PRKACB: variants seen among roughly 807,000 people sequenced by gnomAD.
PRKACB encodes the protein protein kinase cAMP-activated catalytic subunit beta, also known as cAMP-dependent protein kinase catalytic subunit beta.
Under a neutral mutation model 51.4 loss-of-function variants are expected in PRKACB, and 16 were observed. The observed-to-expected ratio is 0.31, with a 90% CI of 0.21 to 0.47. The LOEUF (loss-of-function observed/expected upper bound fraction) is 0.47. Among genes scored for constraint, PRKACB ranks in the 20% least tolerant of loss-of-function variants. The probability of loss-of-function intolerance (pLI) is 1.00; values close to 1 mark genes in which losing one functional copy is unlikely to be tolerated. For missense variants in PRKACB, 309 were observed against 464.5 expected (o/e 0.67, Z 3.08); for synonymous variants, 147 against 154.4 (o/e 0.95, Z 0.35).
intron 1 of PRKACB, among the ~76,000 whole-genome samples, chr1:84,111,409 T>C (rs1173360856): frequency 6.6e-6 from 1 of 152,114 alleles, no homozygotes; most frequent in South Asian, 2.1e-4. Context: ...AATATGGGGT[T>C]AGTTCAATGC....
intron 1 of PRKACB, among the ~76,000 whole-genome samples, chr1:84,135,021 T>A (rs1164351890): frequency 1.3e-5 from 2 of 152,194 alleles, no homozygotes; most frequent in Admixed American, 6.5e-5. Flanking sequence ...GCATTGTCTG[T>A]AAGAAACTCA....
In PRKACB at chr1:84,131,999, G is replaced by A. The variant is rs918315267; in HGVS notation, c.47-47178G>A. ...GTATTCTCCAACAAAGGTCTACTCT[G>A]TAGGGGAAAATATATTATTAGACCC... is the stretch of plus-strand genomic sequence containing the variant. On this transcript the variant is annotated intron_variant, in intron 1 of 8. Transcript: ENST00000370688. Among the ~76,000 whole-genome samples, 4 of 152,262 alleles carry A rather than the reference G, an allele frequency of 2.6e-5. 1 individual carries two copies. In the Middle Eastern group the frequency reaches 0.01, roughly 388 times the overall value.
chr1:84,198,268 A>G (rs887459687), intron 7 of PRKACB, among the ~76,000 whole-genome samples: 3 of 152,162 alleles, frequency 2.0e-5, no homozygotes, highest in Admixed American at 6.5e-5. Context: ...TAGGACTATT[A>G]ACAGCAATTG....
chr1:84,095,013 A>G (rs1648813325), intron 1 of PRKACB, among the ~76,000 whole-genome samples: 1 of 151,928 alleles, frequency 6.6e-6, no homozygotes, highest in African/African-American at 2.4e-5. Flanking sequence ...GCAGTATAGG[A>G]TTGTAGCCTA....
intron 5 of PRKACB, among the ~76,000 whole-genome samples, chr1:84,193,904 A>C (rs1234552800): frequency 6.6e-6 from 1 of 152,154 alleles, no homozygotes; most frequent in Non-Finnish European, 1.5e-5. Context: ...TGATTCATAA[A>C]ATGATGGTGG....
At position 84,202,688 on chromosome 1, in the gene PRKACB, C is replaced by T. The variant is rs138988477; in HGVS notation, c.789C>T (p.Tyr263=). The stretch of plus-strand genomic sequence containing the variant: ...TTGGTGTTGGTTTATCTCAGGGCTA[C>T]AATAAGGCAGTGGATTGGTGGGCAT... ...LAPEIILSKG[Y]NKAVDWWALG... is the part of the protein sequence containing the mutation. Residue 263 remains tyrosine (Y), a synonymous_variant, in exon 8 of 10, where the codon TAC becomes TAT. Coordinates refer to ENST00000370685, the MANE Select transcript of PRKACB (RefSeq NM_182948.4). The T allele has an allele frequency of 6.2e-7, 1 of 1,605,822 alleles. No individual in the cohort carries two copies. Among genetic ancestry groups the T allele is most frequent in the African/African-American group, 1.3e-5 (1 of 74,780 alleles).
chr1:84,124,112 T>A (rs1391761649), intron 1 of PRKACB, among the ~76,000 whole-genome samples: 4 of 152,176 alleles, frequency 2.6e-5, no homozygotes, highest in African/African-American at 9.6e-5. Flanking sequence ...TTTAAAAACA[T>A]TTATTGAGTG....
At chr1:84,097,517 T>G (rs1035323440) in intron 1 of PRKACB, among the ~76,000 whole-genome samples, 8 of 151,968 alleles carry the variant, frequency 5.3e-5, no homozygotes, top group Non-Finnish European at 8.8e-5. Flanking sequence ...GGGGTGTGTG[T>G]GGGGAGAAAG....
intron 2 of PRKACB, among the ~76,000 whole-genome samples, chr1:84,180,402 C>T (rs755929889): frequency 4.0e-5 from 6 of 150,698 alleles, no homozygotes; most frequent in Non-Finnish European, 8.9e-5. Flanking sequence ...ATATAATGGA[C>T]TTTTGGCACT....
intron 8 of PRKACB, among the ~76,000 whole-genome samples, chr1:84,212,072 G>A (rs574637207): frequency 6.6e-6 from 1 of 152,216 alleles, no homozygotes; most frequent in East Asian, 1.9e-4. Context: ...GTATGATAAT[G>A]ATTTCAATTT....
intron 1 of PRKACB, among the ~76,000 whole-genome samples, chr1:84,176,221 A>G (rs1310787354): frequency 6.6e-6 from 1 of 151,912 alleles, no homozygotes; most frequent in Non-Finnish European, 1.5e-5. Context: ...TATGCTTTAT[A>G]GGGAATTCTG....
intron 8 of PRKACB, among the ~76,000 whole-genome samples, chr1:84,208,016 T>C (rs1163367212): frequency 6.6e-6 from 1 of 152,172 alleles, no homozygotes; most frequent in Admixed American, 6.6e-5. Flanking sequence ...TACAGGCATG[T>C]GCCACCACGC....
intron 7 of PRKACB, among the ~76,000 whole-genome samples, chr1:84,199,450 G>A (rs999473374): frequency 5.3e-5 from 8 of 152,106 alleles, no homozygotes; most frequent in African/African-American, 1.7e-4. Context: ...ATAGCCTCCA[G>A]CTCCATCCAT....
intron 1 of PRKACB, chr1:84,164,647 T>C: frequency 2.2e-6 from 3 of 1,394,780 alleles, no homozygotes; most frequent in African/African-American, 2.9e-5. Context: ...CTCATGCTGA[T>C]ATAATTGAGA....
At position 84,125,982 on chromosome 1, in the gene PRKACB, C is replaced by T. The variant is rs148928162; in HGVS notation, c.46+47611C>T. ...TCGCAGCTCTCATCCCCTCACGGGA[C>T]GGGGAGCATGCAGGTGAGTGGGTAC... is the stretch of plus-strand genomic sequence containing the variant. On this transcript the variant is annotated intron_variant, in intron 1 of 8. Transcript: ENST00000370688. Among the ~76,000 whole-genome samples, 582 of 137,988 alleles carry T rather than the reference C, an allele frequency of 4.2e-3. 3 individuals carry two copies. Among genetic ancestry groups the T allele is most frequent in the African/African-American group, 0.014 (518 of 37,134 alleles). 90.5% of individuals were successfully genotyped at this position (137,988 alleles called of 152,430 possible). A position where few individuals can be genotyped will look rare whatever the true frequency, so the allele number is the denominator to read the frequency against.
At chr1:84,192,686 C>T (rs1346241099) in intron 5 of PRKACB, among the ~76,000 whole-genome samples, 2 of 151,960 alleles carry the variant, frequency 1.3e-5, no homozygotes, top group African/African-American at 4.8e-5. Context: ...TTTTTATTAG[C>T]CTTAAGATAT....
rs600674 is a variant in PRKACB at position 84,235,568 on chromosome 1, T to C, written c.*263T>C. The C allele has an allele frequency of 0.81, 285,256 of 353,676 alleles. 115,096 individuals carry two copies. Among genetic ancestry groups the C allele is most frequent in the African/African-American group, 0.84 (39,471 of 47,186 alleles). The allele number at this position is 353,676 out of a possible 1,614,324, so 21.9% of individuals were successfully genotyped here. ...TTTGGGTTGTCTTTCTCCTCTCCTATATCCATTTCTTCCTTTTCCAATTTC... is the reference window on the plus strand; with the variant it reads ...TTTGGGTTGTCTTTCTCCTCTCCTACATCCATTTCTTCCTTTTCCAATTTC... On this transcript the variant is annotated 3_prime_UTR_variant, in exon 10 of 10. Coordinates refer to ENST00000370685, the MANE Select transcript of PRKACB (RefSeq NM_182948.4).
At chr1:84,112,172 A>G (rs1650281554) in intron 1 of PRKACB, among the ~76,000 whole-genome samples, 1 of 151,062 alleles carries the variant, frequency 6.6e-6, no homozygotes, top group African/African-American at 2.4e-5. Context: ...TGCCATTAGC[A>G]TTGGAGGCAA....
intron 1 of PRKACB, chr1:84,165,106 C>A: frequency 9.9e-7 from 1 of 1,013,816 alleles, no homozygotes; most frequent in Non-Finnish European, 1.4e-6. Context: ...TATAAAGCCA[C>A]AGCTACTGTG....
Sources: gnomAD v4.1 joint callset for allele counts (sites outside exome capture counted in the v4.1 genomes callset) on GRCh38, gnomAD v4.1.1 for gene constraint, MANE v1.5 for transcripts, NCBI Gene and HGNC (gene_info 2026-07-23, HGNC 2026-07-21) for gene names.